ZEB1: variants seen among roughly 807,000 people sequenced by gnomAD.
The protein encoded by ZEB1 is zinc finger E-box-binding homeobox 1.
A neutral mutation model predicts 84.9 loss-of-function variants in ZEB1; 21 were observed. That is an observed-to-expected ratio of 0.25 (90% CI 0.18 to 0.36). The LOEUF is 0.36. Among genes scored for constraint, ZEB1 ranks in the 10% least tolerant of loss-of-function variants. The pLI is 1.00. For synonymous variants in ZEB1, 420 were observed against 471.1 expected (o/e 0.89, Z 1.41); for missense variants, 1,104 against 1,330.2 (o/e 0.83, Z 2.65).
At chr10:31,413,114 AC>A (rs2054603847) in intron 1 of ZEB1, among the ~76,000 whole-genome samples, 1 of 152,214 alleles carries the variant, frequency 6.6e-6, no homozygotes, top group Non-Finnish European at 1.5e-5. Context: ...TTAGTTCTAC[AC>A]CTCATTTGCA....
chr10:31,499,100 T>A (rs1419657067), intron 3 of ZEB1, among the ~76,000 whole-genome samples: 1 of 152,170 alleles, frequency 6.6e-6, no homozygotes, highest in Non-Finnish European at 1.5e-5. Flanking sequence ...ATTTCTTCAA[T>A]TTTGTTGAAA....
chr10:31,327,099 C>CTTTTTTTTTTTTTTTTTTTTTTT (rs71527629), intron 1 of ZEB1, among the ~76,000 whole-genome samples: 1 of 84,932 alleles, frequency 1.2e-5, no homozygotes, highest in Non-Finnish European at 2.2e-5. Context: ...CTTTTCTTTT[C>CTTTTTTTTTTTTTTTTTTTTTTT]TTTTTTTTTT....
At chr10:31,467,159 A>G (rs1405639885) in intron 2 of ZEB1, among the ~76,000 whole-genome samples, 1 of 152,100 alleles carries the variant, frequency 6.6e-6, no homozygotes, top group Non-Finnish European at 1.5e-5. Flanking sequence ...CGGGAACACC[A>G]CTTTCCCACT....
chr10:31,436,140 T>G (rs116434318), intron 1 of ZEB1, among the ~76,000 whole-genome samples: 3 of 152,158 alleles, frequency 2.0e-5, no homozygotes, highest in Admixed American at 6.5e-5. Flanking sequence ...TTATTCGCCA[T>G]GTATGGGAGT....
intron 1 of ZEB1, among the ~76,000 whole-genome samples, chr10:31,451,893 T>G (rs573776896): frequency 3.3e-5 from 5 of 152,276 alleles, no homozygotes; most frequent in Admixed American, 3.3e-4. Flanking sequence ...TACGAATCCT[T>G]AGTAACTTTC....
intron 6 of ZEB1, among the ~76,000 whole-genome samples, chr10:31,517,825 G>T (rs890321620): frequency 3.3e-5 from 5 of 152,104 alleles, no homozygotes; most frequent in African/African-American, 9.7e-5. Context: ...TTATTTGTAT[G>T]CATTAATTCA....
chr10:31,415,747 T>G (rs933397132), intron 1 of ZEB1, among the ~76,000 whole-genome samples: 3 of 152,138 alleles, frequency 2.0e-5, no homozygotes, highest in African/African-American at 7.2e-5. Flanking sequence ...TTGTCTTTTT[T>G]GCCTTCTAAA....
intron 1 of ZEB1, among the ~76,000 whole-genome samples, chr10:31,424,513 A>G (rs1429693832): frequency 1.3e-5 from 2 of 152,018 alleles, no homozygotes; most frequent in Admixed American, 6.6e-5. Flanking sequence ...TGAGTAATAC[A>G]CAGTTCTGTT....
chr10:31,423,325 A>G (rs2056471474), intron 1 of ZEB1, among the ~76,000 whole-genome samples: 1 of 152,148 alleles, frequency 6.6e-6, no homozygotes, highest in African/African-American at 2.4e-5. Context: ...TTTAAAAAGT[A>G]TGTCTTATGG....
chr10:31,407,199 C>T (rs2053263306), intron 1 of ZEB1, among the ~76,000 whole-genome samples: 1 of 150,598 alleles, frequency 6.6e-6, no homozygotes, highest in Admixed American at 6.6e-5. Context: ...CACCCACTAA[C>T]TCGTCATCTA....
intron 1 of ZEB1, among the ~76,000 whole-genome samples, chr10:31,335,288 G>A (rs956548401): frequency 8.6e-5 from 13 of 152,010 alleles, no homozygotes; most frequent in African/African-American, 2.2e-4. Context: ...ATTGGTAGCC[G>A]TCTTGGTCAT....
intron 1 of ZEB1, chr10:31,374,908 A>G (rs1454213231): frequency 6.6e-6 from 1 of 151,854 alleles, no homozygotes; most frequent in African/African-American, 2.4e-5. Flanking sequence ...AGCCCTGAAG[A>G]GGGACACTGA....
At chr10:31,403,975 CAT>C (rs2052517330) in intron 1 of ZEB1, among the ~76,000 whole-genome samples, 1 of 152,022 alleles carries the variant, frequency 6.6e-6, no homozygotes, top group Admixed American at 6.6e-5. Context: ...TGGAAATTCA[CAT>C]AGTCTTTAAG....
intron 1 of ZEB1, among the ~76,000 whole-genome samples, chr10:31,335,235 C>G (rs1292692502): frequency 6.6e-6 from 1 of 152,040 alleles, no homozygotes; most frequent in Non-Finnish European, 1.5e-5. Context: ...CTCCCTTTGT[C>G]CAGCATATCC....
At chr10:31,411,495 G>A (rs921697751) in intron 1 of ZEB1, among the ~76,000 whole-genome samples, 13 of 151,988 alleles carry the variant, frequency 8.6e-5, no homozygotes, top group Non-Finnish European at 1.6e-4. Context: ...AGCCGGGCGC[G>A]GTGGCGGGCG....
intron 2 of ZEB1, among the ~76,000 whole-genome samples, chr10:31,471,462 G>A (rs149412474): frequency 6.0e-5 from 9 of 150,612 alleles, no homozygotes; most frequent in Admixed American, 1.3e-4. Context: ...CAAAAGAGAC[G>A]AAGGCCATTA....
At chr10:31,397,423 C>G (rs1055407020) in intron 1 of ZEB1, among the ~76,000 whole-genome samples, 1 of 151,822 alleles carries the variant, frequency 6.6e-6, no homozygotes, top group Non-Finnish European at 1.5e-5. Context: ...AAAAGGACAG[C>G]TCAATTGCCT....
intron 1 of ZEB1, among the ~76,000 whole-genome samples, chr10:31,448,733 G>T (rs1175900855): frequency 6.6e-6 from 1 of 152,152 alleles, no homozygotes; most frequent in Non-Finnish European, 1.5e-5. Flanking sequence ...TAAGGGGTCA[G>T]GGGTCAGGGA....
chr10:31,478,847 A>G (rs1447220219), intron 2 of ZEB1, among the ~76,000 whole-genome samples: 1 of 151,808 alleles, frequency 6.6e-6, no homozygotes, highest in Non-Finnish European at 1.5e-5. Context: ...CAGACGTTGG[A>G]GACTCCAAAA....
Sources: gnomAD v4.1 joint callset for allele counts (sites outside exome capture counted in the v4.1 genomes callset) on GRCh38, gnomAD v4.1.1 for gene constraint, MANE v1.5 for transcripts, NCBI Gene and HGNC (gene_info 2026-07-23, HGNC 2026-07-21) for gene names.